Variants in PPFIA2 observed in about 807,000 individuals in gnomAD.
The protein encoded by PPFIA2 is liprin-alpha-2.
PPFIA2 carries 46 observed loss-of-function variants against 175.5 expected under a neutral mutation model. That is an observed-to-expected ratio of 0.26 (90% CI 0.21 to 0.34). The LOEUF (loss-of-function observed/expected upper bound fraction) is 0.34, where lower values mean the gene tolerates loss of function less well. Ranked by LOEUF, PPFIA2 falls within the 10% of genes least tolerant of loss-of-function variation. The probability of loss-of-function intolerance (pLI) is 1.00; values close to 1 mark genes in which losing one functional copy is unlikely to be tolerated. For missense variants in PPFIA2, 1,179 were observed against 1,506.1 expected (o/e 0.78, Z 3.60); for synonymous variants, 568 against 511.4 (o/e 1.11, Z -1.49).
At chr12:81,343,498 G>T (rs1255135244) in intron 19 of PPFIA2, among the ~76,000 whole-genome samples, 2 of 152,048 alleles carry the variant, frequency 1.3e-5, no homozygotes, top group Non-Finnish European at 2.9e-5. Flanking sequence ...TTCAAGCCAT[G>T]TAAGAATAAT....
intron 5 of PPFIA2, among the ~76,000 whole-genome samples, chr12:81,451,689 T>C (rs1331770755): frequency 6.6e-6 from 1 of 152,204 alleles, no homozygotes; most frequent in East Asian, 1.9e-4. Flanking sequence ...ACGATTTCAC[T>C]TATCCCCAAT....
chr12:81,646,259 T>C (rs1287946414), intron 4 of PPFIA2, among the ~76,000 whole-genome samples: 1 of 152,088 alleles, frequency 6.6e-6, no homozygotes, highest in Non-Finnish European at 1.5e-5. Context: ...AATCAGCCTG[T>C]AGAAACACCC....
At chr12:81,435,338 C>A (rs1164580247) in intron 7 of PPFIA2, among the ~76,000 whole-genome samples, 2 of 152,136 alleles carry the variant, frequency 1.3e-5, no homozygotes, top group African/African-American at 2.4e-5. Context: ...ATTAACAAAG[C>A]CCTGTGGCAA....
At chr12:81,552,077 T>C (rs1370979846) in intron 4 of PPFIA2, among the ~76,000 whole-genome samples, 1 of 151,632 alleles carries the variant, frequency 6.6e-6, no homozygotes, top group African/African-American at 2.4e-5. Flanking sequence ...TAATAATTAA[T>C]TTAAAAACAA....
intron 3 of PPFIA2, among the ~76,000 whole-genome samples, chr12:81,737,624 T>A (rs899044755): frequency 1.3e-4 from 20 of 151,948 alleles, no homozygotes; most frequent in African/African-American, 4.3e-4. Context: ...TTCCTCATAT[T>A]CAAGTTAGCA....
chr12:81,529,551 G>C (rs1049177706), intron 4 of PPFIA2, among the ~76,000 whole-genome samples: 1 of 127,442 alleles, frequency 7.8e-6, no homozygotes, highest in Admixed American at 8.1e-5. Context: ...TGGCGGGGGG[G>C]CAGTGGAAAG....
At chr12:81,386,499 A>G (rs983254954) in intron 8 of PPFIA2, among the ~76,000 whole-genome samples, 3 of 151,580 alleles carry the variant, frequency 2.0e-5, no homozygotes, top group African/African-American at 7.3e-5. Context: ...GCACGCACCC[A>G]TAGTCCCAGC....
At chr12:81,299,230 G>T (rs1233114810) in intron 23 of PPFIA2, 71 bp downstream of exon 23, 1 of 1,477,414 alleles carries the variant, frequency 6.8e-7, no homozygotes, top group East Asian at 2.5e-5. Context: ...GAAACTTGCC[G>T]TTACCTGTCT....
In PPFIA2 at chr12:81,732,836, G is replaced by C. The variant is rs572866343; in HGVS notation, c.249+21137C>G. 8.9e-4 allele frequency among the ~76,000 whole-genome samples: 135 copies of C among 151,508 alleles called. 2 individuals are homozygous for C. The highest frequency in any genetic ancestry group is 3.1e-3 in the African/African-American group (129 of 41,414). On this transcript the variant is annotated intron_variant, in intron 3 of 32. Coordinates refer to ENST00000549396, the MANE Select transcript of PPFIA2 (RefSeq NM_003625.5). ...CTAAATTGAACTTTAAGTAATTATA[G>C]ATGCAGAAACTTGAATATTTTCTAC...
At chr12:81,428,168 G>GA (rs2047474448) in intron 7 of PPFIA2, among the ~76,000 whole-genome samples, 3 of 151,666 alleles carry the variant, frequency 2.0e-5, no homozygotes, top group South Asian at 2.1e-4. Context: ...TATTAATAGA[G>GA]AAAAAAAGCA....
At chr12:81,435,184 C>A (rs1015208460) in intron 7 of PPFIA2, among the ~76,000 whole-genome samples, 2 of 152,142 alleles carry the variant, frequency 1.3e-5, no homozygotes, top group African/African-American at 4.8e-5. Context: ...GAGCATAAGG[C>A]ACTTTTGTGT....
At chr12:81,577,274 C>T (rs896830425) in intron 4 of PPFIA2, among the ~76,000 whole-genome samples, 1 of 151,794 alleles carries the variant, frequency 6.6e-6, no homozygotes, top group Non-Finnish European at 1.5e-5. Context: ...TTAAGAAGAG[C>T]TTTTAAAAAG....
At chr12:81,604,567 AATT>A (rs2060101323) in intron 4 of PPFIA2, among the ~76,000 whole-genome samples, 1 of 149,822 alleles carries the variant, frequency 6.7e-6, no homozygotes, top group Non-Finnish European at 1.5e-5. Context: ...GATTGCTTTC[AATT>A]TATCATAAAA....
intron 4 of PPFIA2, among the ~76,000 whole-genome samples, chr12:81,650,123 C>A (rs1028995377): frequency 7.2e-5 from 11 of 152,100 alleles, no homozygotes; most frequent in African/African-American, 2.2e-4. Flanking sequence ...CATTCTCCTG[C>A]CTCAGCCTCC....
At chr12:81,625,357 T>C (rs967788599) in intron 4 of PPFIA2, among the ~76,000 whole-genome samples, 7 of 151,874 alleles carry the variant, frequency 4.6e-5, no homozygotes, top group African/African-American at 1.7e-4. Context: ...CTATAATGTG[T>C]TTGATTTGCA....
rs555763045 is a variant in PPFIA2, at chr12:81,471,480, T to G, written c.304-13614A>C. Among the ~76,000 whole-genome samples the G allele has an allele frequency of 3.6e-3, 552 of 151,878 alleles. 1 individual carries two copies. The highest frequency in any genetic ancestry group is 5.5e-3 in the Non-Finnish European group (373 of 67,938). ...TGCCTGGCTTGGGTTTCCTTTTTTT[T>G]TTTTTCAAGGGTGAATAATTTTCTA... On this transcript the variant is annotated intron_variant, in intron 4 of 32. Transcript: ENST00000549396.
chr12:81,542,632 CTT>C (rs1279607076), intron 4 of PPFIA2, among the ~76,000 whole-genome samples: 3 of 152,062 alleles, frequency 2.0e-5, no homozygotes, highest in Non-Finnish European at 2.9e-5. Flanking sequence ...TTTTAACAGA[CTT>C]TTTCCTGACT....
intron 5 of PPFIA2, among the ~76,000 whole-genome samples, chr12:81,448,991 A>G (rs962066048): frequency 6.6e-6 from 1 of 152,214 alleles, no homozygotes; most frequent in African/African-American, 2.4e-5. Flanking sequence ...TGGACAATAA[A>G]ATATCAAAGT....
chr12:81,330,136 G>A (rs1046250052), intron 21 of PPFIA2, among the ~76,000 whole-genome samples: 1 of 152,124 alleles, frequency 6.6e-6, no homozygotes, highest in African/African-American at 2.4e-5. Flanking sequence ...ATCCTGGCAA[G>A]TAGAGCCAGG....
Sources: allele counts gnomAD v4.1 joint callset (sites outside exome capture counted in the v4.1 genomes callset), GRCh38; gene constraint gnomAD v4.1.1; transcripts MANE v1.5; gene names NCBI Gene and HGNC (gene_info 2026-07-23, HGNC 2026-07-21).